PPP1R16B: variants seen among roughly 807,000 people sequenced by gnomAD.
The protein encoded by PPP1R16B is protein phosphatase 1 regulatory inhibitor subunit 16B.
In PPP1R16B, 14 loss-of-function variants were observed where a neutral mutation model predicts 61.7. The observed-to-expected ratio is 0.23, with a 90% confidence interval of 0.15 to 0.35. PPP1R16B has a LOEUF of 0.35. Ranked by LOEUF, PPP1R16B falls within the 10% of genes least tolerant of loss-of-function variation. The pLI, the probability that PPP1R16B is intolerant of heterozygous loss-of-function variation, is 1.00. For synonymous variants in PPP1R16B, 266 were observed against 305.3 expected, an observed-to-expected ratio of 0.87 and a Z score of 1.34; for missense variants, 547 against 752.5, an observed-to-expected ratio of 0.73 and a Z score of 3.19.
Position 38,918,312 on chromosome 20 carries a change from G to A in PPP1R16B, c.1350G>A (p.Val450=). ...ANGDVWKVHE[V]PDYSMAYGNP... is the part of the protein sequence containing the mutation. Reference sequence around the variant, plus strand: ...GGGATGTCTGGAAGGTGCATGAGGTGCCTGACTACAGCATGGCCTATGGCA... The same window carrying A: ...GGGATGTCTGGAAGGTGCATGAGGTACCTGACTACAGCATGGCCTATGGCA... Residue 450 remains valine (V), a synonymous_variant, in exon 11 of 11, where the codon GTG becomes GTA. Coordinates refer to ENST00000299824, the MANE Select transcript of PPP1R16B (RefSeq NM_015568.4). This position sits in a 1 kb window ranked among gnomAD's most constrained non-coding sequence, Gnocchi z 5.3. 1 of 1,614,202 alleles carries A rather than the reference G, an allele frequency of 6.2e-7. No individual in the cohort carries two copies. The highest frequency in any genetic ancestry group is 2.2e-5 in the East Asian group (1 of 44,876).
At chr20:38,857,733 A>G (rs2085017889) in intron 2 of PPP1R16B, among the ~76,000 whole-genome samples, 1 of 152,148 alleles carries the variant, frequency 6.6e-6, no homozygotes, top group South Asian at 2.1e-4. Flanking sequence ...GCTCTGGTTA[A>G]TAAGCAGCTT....
At chr20:38,864,182 C>T (rs1474463831) in intron 2 of PPP1R16B, among the ~76,000 whole-genome samples, 4 of 152,092 alleles carry the variant, frequency 2.6e-5, no homozygotes, top group African/African-American at 7.2e-5. Flanking sequence ...ACCTATGGCT[C>T]GGGGTGTGGT....
At chr20:38,887,466 A>T (rs1029866058) in intron 2 of PPP1R16B, among the ~76,000 whole-genome samples, 6 of 152,214 alleles carry the variant, frequency 3.9e-5, no homozygotes, top group Admixed American at 3.9e-4. Flanking sequence ...TTCCCAGAGC[A>T]ATGGGGAGCC....
chr20:38,824,087 T>G (rs2145711464), intron 1 of PPP1R16B, among the ~76,000 whole-genome samples: 1 of 152,298 alleles, frequency 6.6e-6, no homozygotes, highest in Non-Finnish European at 1.5e-5. Context: ...AGTCCCAGTT[T>G]TCTCCTCTCT....
intron 6 of PPP1R16B, among the ~76,000 whole-genome samples, chr20:38,904,303 G>T (rs942730624): frequency 6.6e-6 from 1 of 152,184 alleles, no homozygotes; most frequent in African/African-American, 2.4e-5. Context: ...CTGGGCTGGG[G>T]CTGGCCTCAG....
intron 2 of PPP1R16B, among the ~76,000 whole-genome samples, chr20:38,860,876 T>C (rs1476062083): frequency 6.6e-6 from 1 of 152,150 alleles, no homozygotes; most frequent in Admixed American, 6.5e-5. Flanking sequence ...TAAAGTGGCT[T>C]CCAGGGTCTT....
chr20:38,855,555 G>A (rs1391341738), intron 2 of PPP1R16B, among the ~76,000 whole-genome samples: 1 of 152,086 alleles, frequency 6.6e-6, no homozygotes, highest in Admixed American at 6.5e-5. Flanking sequence ...TTTCTGGCAA[G>A]CTTGGGATGA....
At chr20:38,911,538 T>C (rs1483153349) in intron 10 of PPP1R16B, among the ~76,000 whole-genome samples, 2 of 151,616 alleles carry the variant, frequency 1.3e-5, no homozygotes. Flanking sequence ...ATGCTCCTTT[T>C]TTTTTTTTTT....
At chr20:38,914,481 T>A (rs746518948) in intron 10 of PPP1R16B, among the ~76,000 whole-genome samples, 20 of 152,260 alleles carry the variant, frequency 1.3e-4, no homozygotes, top group Non-Finnish European at 1.6e-4. Context: ...TCAATTGTGT[T>A]CTTATTTGTA....
At chr20:38,851,564 C>T (rs1439458718) in intron 2 of PPP1R16B, among the ~76,000 whole-genome samples, 1 of 152,058 alleles carries the variant, frequency 6.6e-6, no homozygotes, top group Non-Finnish European at 1.5e-5. Flanking sequence ...GCAATTCATG[C>T]ACAGACATTT....
intron 2 of PPP1R16B, among the ~76,000 whole-genome samples, chr20:38,867,880 C>T (rs1199792752): frequency 6.6e-6 from 1 of 152,160 alleles, no homozygotes; most frequent in Non-Finnish European, 1.5e-5. Flanking sequence ...ATCATGTTGG[C>T]CAGGCTGGCC....
rs991514009 is a variant in PPP1R16B at position 38,902,527 on chromosome 20, A to G, written c.572-141A>G. 5.0e-6 allele frequency: 6 copies of G among 1,196,664 alleles called. No homozygotes were observed. The African/African-American group carries it at 9.0e-5, about 18-fold the overall frequency. The allele number at this position is 1,196,664 out of a possible 1,614,324, so 74.1% of individuals were successfully genotyped here. A position where few individuals can be genotyped will look rare whatever the true frequency, so the allele number is the denominator to read the frequency against. On this transcript the variant is annotated intron_variant, in intron 5 of 10. Transcript: ENST00000299824. Reference sequence around the variant, plus strand: ...TGGTGTCTCATCAGGCCTGAAGACAATGATCTATGGGCATGTCTGCATGCC... The same window carrying G: ...TGGTGTCTCATCAGGCCTGAAGACAGTGATCTATGGGCATGTCTGCATGCC...
At chr20:38,893,162 A>G (rs538522322) in intron 3 of PPP1R16B, among the ~76,000 whole-genome samples, 2 of 152,352 alleles carry the variant, frequency 1.3e-5, no homozygotes, top group South Asian at 4.1e-4. Flanking sequence ...AAAGCTTAGC[A>G]AGCTGCTTGA....
intron 2 of PPP1R16B, among the ~76,000 whole-genome samples, chr20:38,877,623 T>G (rs955690089): frequency 1.3e-5 from 2 of 152,176 alleles, no homozygotes; most frequent in Non-Finnish European, 2.9e-5. Flanking sequence ...ATACTAACCA[T>G]TTTTGCTTTA....
chr20:38,863,805 C>T (rs1259997209), intron 2 of PPP1R16B, among the ~76,000 whole-genome samples: 4 of 152,192 alleles, frequency 2.6e-5, no homozygotes, highest in Admixed American at 6.5e-5. Context: ...TTAATGAAAA[C>T]GTGCACAAAA....
chr20:38,841,159 A>G (rs929747429), intron 2 of PPP1R16B, among the ~76,000 whole-genome samples: 2 of 151,990 alleles, frequency 1.3e-5, no homozygotes, highest in African/African-American at 4.8e-5. Flanking sequence ...AAATTTGCCC[A>G]CTTTAAGTGT....
rs1350054604 is a variant in PPP1R16B, at chr20:38,907,831, G to A, written c.924G>A (p.Lys308=). The A allele has an allele frequency of 6.2e-7, 1 of 1,614,166 alleles. No individual in the cohort carries two copies. Among genetic ancestry groups the A allele is most frequent in the East Asian group, 2.2e-5 (1 of 44,882 alleles). Residue 308 remains lysine, a synonymous_variant, in exon 9 of 11, where the codon AAG becomes AAA. Coordinates refer to ENST00000299824, the MANE Select transcript of PPP1R16B (RefSeq NM_015568.4). This position sits in a 1 kb window ranked among gnomAD's most constrained non-coding sequence, Gnocchi z 4.5. ...ACCTGTGCGAGGAGGAAGAGTTCAA[G>A]GTCCTGCTGCTGGAGCTAAAACACA... ...PIDLCEEEEF[K]VLLLELKHKH...
At chr20:38,839,724 C>T (rs946281051) in intron 2 of PPP1R16B, among the ~76,000 whole-genome samples, 6 of 151,892 alleles carry the variant, frequency 4.0e-5, no homozygotes, top group South Asian at 2.1e-4. Context: ...ATCTTGGAGA[C>T]GTTTTCATGC....
chr20:38,916,843 G>A (rs1329169813), intron 10 of PPP1R16B, among the ~76,000 whole-genome samples: 1 of 151,834 alleles, frequency 6.6e-6, no homozygotes, highest in Non-Finnish European at 1.5e-5. Flanking sequence ...ATTTGTCAGT[G>A]TGATATCCAA....
Sources: allele counts gnomAD v4.1 joint callset (sites outside exome capture counted in the v4.1 genomes callset), GRCh38; gene constraint gnomAD v4.1.1; non-coding constraint Gnocchi (gnomAD v3.1); transcripts MANE v1.5; gene names NCBI Gene and HGNC (gene_info 2026-07-23, HGNC 2026-07-21).